Variants in PCLO observed in about 807,000 individuals in gnomAD.
The protein encoded by PCLO is protein piccolo.
PCLO carries 82 observed loss-of-function variants against 427.5 expected under a neutral mutation model. The ratio of observed to expected loss-of-function variants is 0.19; its 90% CI spans 0.16 to 0.23. The LOEUF (loss-of-function observed/expected upper bound fraction) is 0.23. Among genes scored for constraint, PCLO ranks in the 10% least tolerant of loss-of-function variants. The pLI, the probability that PCLO is intolerant of heterozygous loss-of-function variation, is 1.00. For synonymous variants in PCLO, 2,357 were observed against 2,155.4 expected, an observed-to-expected ratio of 1.09 and a Z score of -2.59; for missense variants, 6,239 against 6,115.9, an observed-to-expected ratio of 1.02 and a Z score of -0.67.
intron 22 of PCLO, among the ~76,000 whole-genome samples, chr7:82,778,868 T>C (rs773808957): frequency 6.6e-6 from 1 of 152,090 alleles, no homozygotes; most frequent in Non-Finnish European, 1.5e-5. Context: ...TTTTATGTAA[T>C]ATTATACTTG....
At chr7:82,809,519 G>T (rs766811926) in intron 20 of PCLO, among the ~76,000 whole-genome samples, 1 of 151,528 alleles carries the variant, frequency 6.6e-6, no homozygotes, top group Non-Finnish European at 1.5e-5. Context: ...GTCGTTATTG[G>T]AAGCAAAGCC....
At chr7:83,077,724 T>G (rs915611640) in intron 3 of PCLO, among the ~76,000 whole-genome samples, 4 of 152,022 alleles carry the variant, frequency 2.6e-5, no homozygotes, top group Non-Finnish European at 4.4e-5. Flanking sequence ...AGTTTCCAGC[T>G]CTCATGGAAT....
intron 6 of PCLO, among the ~76,000 whole-genome samples, chr7:82,927,104 G>C (rs1308582397): frequency 6.6e-6 from 1 of 152,044 alleles, no homozygotes; most frequent in Non-Finnish European, 1.5e-5. Flanking sequence ...GAGTTCAAGA[G>C]GAGCATTCAC....
At chr7:82,949,295 G>GCA (rs1157287937) in intron 6 of PCLO, among the ~76,000 whole-genome samples, 181 bp downstream of exon 6, 1 of 150,846 alleles carries the variant, frequency 6.6e-6, no homozygotes, top group Admixed American at 6.6e-5. Flanking sequence ...ACACACGTGT[G>GCA]CACACACACA....
At chr7:82,767,162 A>G (rs1790548060) in intron 22 of PCLO, among the ~76,000 whole-genome samples, 1 of 152,168 alleles carries the variant, frequency 6.6e-6, no homozygotes, top group African/African-American at 2.4e-5. Flanking sequence ...ACCATCACAC[A>G]CACAGAGGAC....
chr7:82,895,293 G>GA lies in PCLO; in HGVS notation c.13528+7357dup, dbSNP rs57289810. Among the ~76,000 whole-genome samples the GA allele has an allele frequency of 6.9e-3, 1,038 of 151,168 alleles. 3 individuals are homozygous for GA. The highest frequency in any genetic ancestry group is 0.012 in the Non-Finnish European group (783 of 67,632). On this transcript the variant is annotated intron_variant, in intron 9 of 24. Transcript: ENST00000333891. The stretch of plus-strand genomic sequence containing the variant: ...GAAATCTTTTGAAGTGAATAAAAAT[G>GA]AAAAAAAATGCATGGGATGCAGTAA...
chr7:82,965,754 A>G lies in PCLO; in HGVS notation c.4017+17T>C. 6.6e-7 allele frequency: 1 copy of G among 1,525,432 alleles called. No homozygotes were observed. 94.5% of individuals were successfully genotyped at this position (1,525,432 alleles called of 1,614,324 possible). A position where few individuals can be genotyped will look rare whatever the true frequency, so the allele number is the denominator to read the frequency against. On this transcript the variant is annotated intron_variant, in intron 4 of 24. Transcript: ENST00000333891. ...TTCACACATGAGAGTGTGAGAAGTT[A>G]GTAAAATTTAACTTACTGTTTTTTC...
Position 82,999,683 on chromosome 7 carries a change from A to G in PCLO, c.3301-33196T>C, listed in dbSNP as rs1297136097. Among the ~76,000 whole-genome samples the G allele has an allele frequency of 1.3e-4, 3 of 22,276 alleles. 1 individual carries two copies. Among genetic ancestry groups the G allele is most frequent in the Non-Finnish European group, 1.8e-4 (3 of 16,296 alleles). 14.6% of individuals were successfully genotyped at this position (22,276 alleles called of 152,430 possible). On this transcript the variant is annotated intron_variant, in intron 3 of 24. Transcript: ENST00000333891. The stretch of plus-strand genomic sequence containing the variant: ...ATATAAAATATAAAATATATTATAT[A>G]TAAAATAATATATAATATTAAATAT...
intron 3 of PCLO, among the ~76,000 whole-genome samples, chr7:83,101,543 C>A (rs1300475144): frequency 6.6e-6 from 1 of 151,932 alleles, no homozygotes; most frequent in Non-Finnish European, 1.5e-5. Context: ...TATTTTTACT[C>A]CAAAAACTGA....
intron 10 of PCLO, among the ~76,000 whole-genome samples, chr7:82,860,842 T>C (rs1792935985): frequency 2.0e-5 from 3 of 152,116 alleles, no homozygotes; most frequent in Non-Finnish European, 4.4e-5. Flanking sequence ...GAGTTTTTAT[T>C]AGTTTTCTTT....
intron 3 of PCLO, among the ~76,000 whole-genome samples, chr7:83,057,305 T>C (rs1371966318): frequency 1.9e-5 from 2 of 104,004 alleles, no homozygotes; most frequent in East Asian, 3.0e-4. Context: ...AGGAAAATAA[T>C]CATTATATAT....
intron 10 of PCLO, among the ~76,000 whole-genome samples, chr7:82,854,277 C>T (rs918133372): frequency 6.6e-6 from 1 of 152,052 alleles, no homozygotes; most frequent in Non-Finnish European, 1.5e-5. Context: ...CTGCATGGGA[C>T]ATCCAATCTG....
chr7:82,844,709 A>T (rs947518834), intron 13 of PCLO, among the ~76,000 whole-genome samples: 2 of 152,120 alleles, frequency 1.3e-5, no homozygotes, highest in Non-Finnish European at 2.9e-5. Flanking sequence ...AAATAATTTT[A>T]TGCTTTTTTA....
At chr7:82,935,344 T>C (rs1183695059) in intron 6 of PCLO, among the ~76,000 whole-genome samples, 1 of 151,394 alleles carries the variant, frequency 6.6e-6, no homozygotes, top group Non-Finnish European at 1.5e-5. Flanking sequence ...AAAGATCAAA[T>C]ACCTATACTT....
intron 3 of PCLO, among the ~76,000 whole-genome samples, chr7:83,027,526 T>C (rs1197106216): frequency 1.1e-4 from 16 of 144,260 alleles, no homozygotes; most frequent in South Asian, 2.3e-4. Context: ...CTACCAGAGG[T>C]ACAAGGAGGA....
chr7:82,942,919 A>C, intron 6 of PCLO, among the ~76,000 whole-genome samples: 1 of 152,114 alleles, frequency 6.6e-6, no homozygotes, highest in East Asian at 1.9e-4. Flanking sequence ...TTTTAAAGTT[A>C]GTTTTAATAG....
At position 82,914,772 on chromosome 7, in the gene PCLO, A is replaced by G. The variant is rs752347339; in HGVS notation, c.13214T>C (p.Met4405Thr). The change falls in exon 7 of 25, where the codon ATG becomes ACG. Residue 4405 changes from methionine (M) to threonine (T), a missense_variant. By Grantham distance (81) the Met-to-Thr change is moderately conservative. This residue lies in a region of PCLO where 877 missense variants were observed against 925.5 expected (regional missense o/e 0.95). Transcript: ENST00000333891. ...SHSLPEVQQH[M>T]REESRTRGYD... The stretch of plus-strand genomic sequence containing the variant: ...GCCTCGAGTCCGTGATTCTTCCCTC[A>G]TGTGTTGCTGAACTTCAGGCAATGA... The G allele has an allele frequency of 6.2e-7, 1 of 1,613,358 alleles. No homozygotes were observed. Among genetic ancestry groups the G allele is most frequent in the South Asian group, 1.1e-5 (1 of 91,072 alleles).
intron 6 of PCLO, among the ~76,000 whole-genome samples, chr7:82,920,721 G>T (rs1794576272): frequency 1.3e-5 from 2 of 151,666 alleles, no homozygotes; most frequent in Admixed American, 6.6e-5. Flanking sequence ...GTTTTGGAGT[G>T]TTAGGAATAT....
intron 15 of PCLO, among the ~76,000 whole-genome samples, chr7:82,836,835 C>T (rs1372621862): frequency 6.6e-6 from 1 of 152,086 alleles, no homozygotes; most frequent in Non-Finnish European, 1.5e-5. Flanking sequence ...CAGTGTATAG[C>T]TCTAATTTGG....
Sources: allele counts gnomAD v4.1 joint callset (sites outside exome capture counted in the v4.1 genomes callset), GRCh38; gene constraint gnomAD v4.1.1; regional missense constraint gnomAD v4.1.1; transcripts MANE v1.5; gene names NCBI Gene and HGNC (gene_info 2026-07-23, HGNC 2026-07-21).